The following PXDNL variants were observed in gnomAD, a reference collection of about 807,000 sequenced individuals.
PXDNL encodes peroxidasin like.
Under a neutral mutation model 150.8 loss-of-function variants are expected in PXDNL, and 145 were observed. The observed-to-expected ratio is 0.96, with a 90% CI of 0.84 to 1.10. PXDNL has a LOEUF of 1.10. Among genes scored for constraint, PXDNL ranks in the 50% least tolerant of loss-of-function variants. The pLI, the probability that PXDNL is intolerant of heterozygous loss-of-function variation, is 0.00. For synonymous variants in PXDNL, 757 were observed against 725.7 expected, an observed-to-expected ratio of 1.04 and a Z score of -0.69; for missense variants, 2,087 against 1,873.9, an observed-to-expected ratio of 1.11 and a Z score of -2.10.
chr8:51,771,456 G>A (rs2037292143), intron 1 of PXDNL, among the ~76,000 whole-genome samples: 1 of 152,176 alleles, frequency 6.6e-6, no homozygotes, highest in Non-Finnish European at 1.5e-5. Flanking sequence ...ATGGCCCGCG[G>A]TGACACGCAA....
At chr8:51,618,047 G>A (rs183274916) in intron 2 of PXDNL, among the ~76,000 whole-genome samples, 1 of 152,318 alleles carries the variant, frequency 6.6e-6, no homozygotes, top group East Asian at 1.9e-4. Context: ...CTTCTTTTCT[G>A]ACTGCCAAGT....
intron 1 of PXDNL, among the ~76,000 whole-genome samples, chr8:51,657,294 G>A (rs1011662363): frequency 6.6e-6 from 1 of 152,094 alleles, no homozygotes; most frequent in African/African-American, 2.4e-5. Context: ...GTCTATATAT[G>A]AAAATAAACC....
chr8:51,576,715 TA>T (rs925495246), intron 3 of PXDNL, among the ~76,000 whole-genome samples: 14 of 150,670 alleles, frequency 9.3e-5, no homozygotes, highest in African/African-American at 2.4e-4. Flanking sequence ...ATCAGAGAAC[TA>T]AAAAAAAGCT....
chr8:51,372,140 C>T (rs1807140662), intron 18 of PXDNL, 59 bp from the exon 19 acceptor site: 1 of 1,260,672 alleles, frequency 7.9e-7, no homozygotes, highest in Admixed American at 2.1e-5. Flanking sequence ...AACTCAGCTG[C>T]ATGTCAAACA....
chr8:51,522,875 C>CAA (rs34790616), intron 4 of PXDNL, among the ~76,000 whole-genome samples: 1 of 145,034 alleles, frequency 6.9e-6, no homozygotes, highest in Non-Finnish European at 1.5e-5. Flanking sequence ...AACAAACAAA[C>CAA]AAAAAAAAAA....
intron 1 of PXDNL, among the ~76,000 whole-genome samples, chr8:51,684,789 C>G (rs1815836780): frequency 6.6e-6 from 1 of 152,162 alleles, no homozygotes; most frequent in African/African-American, 2.4e-5. Flanking sequence ...TGGAAGAGAG[C>G]AGTGGGCAGT....
At chr8:51,463,192 C>A (rs1180663669) in intron 8 of PXDNL, among the ~76,000 whole-genome samples, 2 of 152,062 alleles carry the variant, frequency 1.3e-5, no homozygotes, top group East Asian at 1.9e-4. Flanking sequence ...TAAGTACATA[C>A]CCCATAGATA....
At position 51,540,315 on chromosome 8, in the gene PXDNL, T is replaced by A. The variant is rs570139976; in HGVS notation, c.380+16525A>T. ...TGTCCTGATTCTTAAGGTAGAAGAT[T>A]GCATCACTGATTTAGGTCTTTATTA... On this transcript the variant is annotated intron_variant, in intron 4 of 22. Transcript: ENST00000356297. 2.6e-4 allele frequency among the ~76,000 whole-genome samples: 40 copies of A among 152,310 alleles called. 2 individuals carry two copies. The South Asian group carries it at 4.1e-3, about 16-fold the overall frequency.
intron 1 of PXDNL, among the ~76,000 whole-genome samples, chr8:51,694,538 C>T (rs10958297): frequency 0.64 from 97,622 of 152,080 alleles, 33,350 homozygotes; most frequent in East Asian, 0.81. Context: ...AATCTTGATT[C>T]GTATATTGTC....
chr8:51,617,187 T>C (rs900078853), intron 2 of PXDNL, among the ~76,000 whole-genome samples: 5 of 152,192 alleles, frequency 3.3e-5, no homozygotes, highest in African/African-American at 1.2e-4. Flanking sequence ...ATCTCAATCT[T>C]CCTCAATCTC....
intron 5 of PXDNL, among the ~76,000 whole-genome samples, chr8:51,495,115 G>C (rs1396683947): frequency 6.6e-6 from 1 of 151,866 alleles, no homozygotes; most frequent in Admixed American, 6.6e-5. Flanking sequence ...TAGAACCCAG[G>C]ATTAAGAAAC....
intron 17 of PXDNL, among the ~76,000 whole-genome samples, chr8:51,390,811 T>C (rs1807876561): frequency 6.6e-6 from 1 of 152,042 alleles, no homozygotes; most frequent in African/African-American, 2.4e-5. Flanking sequence ...TAGTTACATA[T>C]GTATACATGT....
intron 4 of PXDNL, among the ~76,000 whole-genome samples, chr8:51,542,987 T>C (rs551389842): frequency 5.9e-5 from 9 of 151,906 alleles, no homozygotes; most frequent in Admixed American, 5.2e-4. Flanking sequence ...GAAATAATAA[T>C]AACAAAATAA....
intron 2 of PXDNL, among the ~76,000 whole-genome samples, chr8:51,605,169 G>C (rs1375507047): frequency 6.6e-6 from 1 of 151,966 alleles, no homozygotes; most frequent in Non-Finnish European, 1.5e-5. Context: ...ATTTATGATA[G>C]ATATAATGAC....
Position 51,319,674 on chromosome 8 carries a change from C to T in PXDNL, c.*217G>A. On this transcript the variant is annotated 3_prime_UTR_variant, in exon 23 of 23. Coordinates refer to ENST00000356297, the MANE Select transcript of PXDNL (RefSeq NM_144651.5). ...AAATATTTCTTATGATCAAACACTT[C>T]ATATGCACTTTATTGCTTTTAGTTT... is the stretch of plus-strand genomic sequence containing the variant. 6.2e-6 allele frequency: 2 copies of T among 323,090 alleles called. No individual in the cohort carries two copies. Among genetic ancestry groups the T allele is most frequent in the Non-Finnish European group, 1.1e-5 (2 of 180,552 alleles). The allele number at this position is 323,090 out of a possible 1,614,324, so 20.0% of individuals were successfully genotyped here.
Position 51,404,987 on chromosome 8 carries a change from G to A in PXDNL, c.3557+3080C>T, listed in dbSNP as rs141168341. ...CCTGCCCCGCAGGGAGGCAGCTGAG[G>A]CCCTGGGAGAATTCGAGCTCAGCAC... On this transcript the variant is annotated intron_variant, in intron 17 of 22. Transcript: ENST00000356297. 9.9e-5 allele frequency among the ~76,000 whole-genome samples: 15 copies of A among 152,268 alleles called. No homozygotes were observed. In the East Asian group the frequency reaches 2.9e-3, roughly 30 times the overall value.
At chr8:51,424,080 T>A (rs1196529431) in intron 13 of PXDNL, among the ~76,000 whole-genome samples, 1 of 152,150 alleles carries the variant, frequency 6.6e-6, no homozygotes, top group African/African-American at 2.4e-5. Context: ...CAACTACATT[T>A]GGTCGGGCAC....
At chr8:51,675,686 G>A (rs1353959102) in intron 1 of PXDNL, among the ~76,000 whole-genome samples, 3 of 149,324 alleles carry the variant, frequency 2.0e-5, no homozygotes, top group Non-Finnish European at 4.4e-5. Flanking sequence ...CCAGCTACTC[G>A]GGAGGCTGAG....
At chr8:51,658,834 G>A (rs1377001526) in intron 1 of PXDNL, among the ~76,000 whole-genome samples, 1 of 152,070 alleles carries the variant, frequency 6.6e-6, no homozygotes, top group Non-Finnish European at 1.5e-5. Flanking sequence ...AGGTATTTTT[G>A]TCTAACTTCT....
Sources: gnomAD v4.1 joint callset for allele counts (sites outside exome capture counted in the v4.1 genomes callset) on GRCh38, gnomAD v4.1.1 for gene constraint, MANE v1.5 for transcripts, NCBI Gene and HGNC (gene_info 2026-07-23, HGNC 2026-07-21) for gene names.